The following PLPP4 variants were observed in gnomAD, a reference collection of about 807,000 sequenced individuals.
The protein encoded by PLPP4 is diacylglycerol pyrophosphate like 2.
A neutral mutation model predicts 32.2 loss-of-function variants in PLPP4; 20 were observed. The observed-to-expected ratio is 0.62, with a 90% CI of 0.44 to 0.90. The LOEUF (loss-of-function observed/expected upper bound fraction) is 0.90. Ranked by LOEUF, PLPP4 falls within the 40% of genes least tolerant of loss-of-function variation. PLPP4 has a pLI of 0.00. For synonymous variants in PLPP4, 127 were observed against 133.0 expected (o/e 0.95, Z 0.31); for missense variants, 257 against 353.1 (o/e 0.73, Z 2.18).
At chr10:120,513,557 G>A (rs1194401620) in intron 2 of PLPP4, among the ~76,000 whole-genome samples, 1 of 152,198 alleles carries the variant, frequency 6.6e-6, no homozygotes, top group African/African-American at 2.4e-5. Context: ...AGGAGTTGGA[G>A]GCCAAGGGTT....
intron 1 of PLPP4, among the ~76,000 whole-genome samples, chr10:120,463,299 T>C (rs1053634896): frequency 6.6e-6 from 1 of 152,182 alleles, no homozygotes; most frequent in Admixed American, 6.5e-5. Context: ...GTGCTGGGAT[T>C]ACAGGCGTGA....
chr10:120,565,483 T>C (rs997543658), intron 5 of PLPP4, among the ~76,000 whole-genome samples: 5 of 152,218 alleles, frequency 3.3e-5, no homozygotes, highest in Non-Finnish European at 5.9e-5. Flanking sequence ...TTTGATGATA[T>C]TATTTCACTG....
At chr10:120,575,535 G>A (rs545304912) in intron 6 of PLPP4, among the ~76,000 whole-genome samples, 1 of 152,314 alleles carries the variant, frequency 6.6e-6, no homozygotes, top group African/African-American at 2.4e-5. Flanking sequence ...CCAGGAGACT[G>A]CTTGAGTCCT....
At chr10:120,541,943 AT>A (rs1465732367) in intron 5 of PLPP4, among the ~76,000 whole-genome samples, 1 of 152,030 alleles carries the variant, frequency 6.6e-6, no homozygotes, top group Non-Finnish European at 1.5e-5. Flanking sequence ...TGCTCAGCTA[AT>A]TTTTTGTATT....
chr10:120,566,937 G>A (rs2134028534), intron 5 of PLPP4, among the ~76,000 whole-genome samples: 1 of 152,312 alleles, frequency 6.6e-6, no homozygotes, highest in South Asian at 2.1e-4. Flanking sequence ...ACCACAGGTA[G>A]TCCTGAGACT....
At chr10:120,579,957 A>G (rs972250267) in intron 6 of PLPP4, among the ~76,000 whole-genome samples, 3 of 151,086 alleles carry the variant, frequency 2.0e-5, no homozygotes, top group African/African-American at 4.9e-5. Flanking sequence ...AAAAAAAAAA[A>G]AAATACAAAA....
intron 5 of PLPP4, among the ~76,000 whole-genome samples, chr10:120,559,218 A>G: frequency 6.6e-6 from 1 of 151,988 alleles, no homozygotes; most frequent in East Asian, 1.9e-4. Flanking sequence ...ATTAATTATT[A>G]GGGTTTTAAA....
At chr10:120,496,506 G>A (rs1331937475) in intron 1 of PLPP4, among the ~76,000 whole-genome samples, 5 of 152,154 alleles carry the variant, frequency 3.3e-5, no homozygotes, top group Admixed American at 1.3e-4. Context: ...AACTACTGGG[G>A]CACTCCAATC....
chr10:120,559,631 A>G (rs1165886434), intron 5 of PLPP4, among the ~76,000 whole-genome samples: 1 of 137,528 alleles, frequency 7.3e-6, no homozygotes, highest in African/African-American at 2.9e-5. Context: ...TTTTTTTTTC[A>G]ATGAATATAT....
In PLPP4 at chr10:120,503,844, A is replaced by G; in HGVS notation, c.83A>G (p.Gln28Arg). 2 of 1,613,990 alleles carry G rather than the reference A, an allele frequency of 1.2e-6. No homozygotes were observed. The highest frequency in any genetic ancestry group is 1.7e-6 in the Non-Finnish European group (2 of 1,179,842). The change falls in exon 2 of 7, where the codon CAG (glutamine) becomes CGG (arginine). Residue 28 changes from glutamine to arginine, a missense_variant. Transcript: ENST00000398250. ...TTTACAGAGTTTTTGGATCCGTTCC[A>G]GAGAGTCATCCAGCCAGAAGAGATC... The part of the protein sequence containing the change: ...FVFTEFLDPF[Q>R]RVIQPEEIWL...
At chr10:120,509,395 T>C (rs1446567033) in intron 2 of PLPP4, among the ~76,000 whole-genome samples, 2 of 152,170 alleles carry the variant, frequency 1.3e-5, no homozygotes, top group African/African-American at 4.8e-5. Flanking sequence ...TGTACAGAGC[T>C]CTGGCTTCCC....
At chr10:120,567,280 G>T (rs1848735341) in intron 5 of PLPP4, among the ~76,000 whole-genome samples, 1 of 152,194 alleles carries the variant, frequency 6.6e-6, no homozygotes, top group Admixed American at 6.5e-5. Context: ...AAATAGACAT[G>T]TCTGGGTGTG....
intron 5 of PLPP4, among the ~76,000 whole-genome samples, chr10:120,542,714 C>A (rs376196620): frequency 1.3e-5 from 2 of 152,274 alleles, no homozygotes; most frequent in East Asian, 3.9e-4. Context: ...ATTCCGCAGG[C>A]GCTGCTGAGT....
intron 6 of PLPP4, chr10:120,587,253 T>C (rs571591228): frequency 6.6e-6 from 1 of 152,298 alleles, no homozygotes; most frequent in Admixed American, 6.5e-5. Context: ...GGCTGTTCTG[T>C]TACAGCAGTG....
chr10:120,487,443 A>T (rs1446517335), intron 1 of PLPP4, among the ~76,000 whole-genome samples: 2 of 152,234 alleles, frequency 1.3e-5, no homozygotes, highest in Admixed American at 6.5e-5. Flanking sequence ...TCATTTTAAG[A>T]CATGTTGATG....
chr10:120,489,754 T>C (rs1044262511), intron 1 of PLPP4, among the ~76,000 whole-genome samples: 1 of 151,916 alleles, frequency 6.6e-6, no homozygotes, highest in East Asian at 1.9e-4. Flanking sequence ...AAAAAAAAAA[T>C]TTTAACATGG....
chr10:120,552,276 A>G (rs190840513), intron 5 of PLPP4, among the ~76,000 whole-genome samples: 1 of 151,968 alleles, frequency 6.6e-6, no homozygotes, highest in East Asian at 1.9e-4. Flanking sequence ...TTCATTGAAA[A>G]AAGCTTGTAT....
intron 6 of PLPP4, among the ~76,000 whole-genome samples, chr10:120,579,608 A>AAGCT (rs1849385341): frequency 6.6e-6 from 1 of 152,216 alleles, no homozygotes; most frequent in South Asian, 2.1e-4. Flanking sequence ...GCCCAGGCAG[A>AAGCT]AGCTATTCCC....
chr10:120,502,395 T>A (rs1249943558), intron 1 of PLPP4, among the ~76,000 whole-genome samples: 1 of 151,904 alleles, frequency 6.6e-6, no homozygotes, highest in Admixed American at 6.6e-5. Context: ...ACACAGCAGA[T>A]GGGTGGATTT....
Sources: allele counts gnomAD v4.1 joint callset (sites outside exome capture counted in the v4.1 genomes callset), GRCh38; gene constraint gnomAD v4.1.1; transcripts MANE v1.5; gene names NCBI Gene and HGNC (gene_info 2026-07-23, HGNC 2026-07-21).